Variants in RUFY3 observed in about 807,000 individuals in gnomAD.
RUFY3 encodes RUN and FYVE domain containing 3, also known as protein RUFY3.
In RUFY3, 34 loss-of-function variants were observed where a neutral mutation model predicts 84.0. The ratio of observed to expected loss-of-function variants is 0.40; its 90% CI spans 0.31 to 0.54. RUFY3 has a LOEUF of 0.54. RUFY3 is among the 20% of genes least tolerant of loss of function. The pLI, the probability that RUFY3 is intolerant of heterozygous loss-of-function variation, is 0.39. For synonymous variants in RUFY3, 242 were observed against 252.9 expected, an observed-to-expected ratio of 0.96 and a Z score of 0.41; for missense variants, 507 against 736.8, an observed-to-expected ratio of 0.69 and a Z score of 3.61.
chr4:70,763,411 C>A, intron 2 of RUFY3, 141 bp from the exon 3 acceptor site: 1 of 592,188 alleles, frequency 1.7e-6, no homozygotes, highest in Admixed American at 3.0e-5. Flanking sequence ...ATTATCTATT[C>A]TAAAAGCATG....
chr4:70,735,881 A>G (rs1246451405), intron 1 of RUFY3, among the ~76,000 whole-genome samples: 1 of 152,056 alleles, frequency 6.6e-6, no homozygotes, highest in Non-Finnish European at 1.5e-5. Flanking sequence ...TCAGCTACTC[A>G]GGAGGCTGAG....
At chr4:70,720,314 G>T (rs1742121484), upstream of RUFY3, among the ~76,000 whole-genome samples, 1 of 152,152 alleles carries the variant, frequency 6.6e-6, no homozygotes, top group African/African-American at 2.4e-5. Flanking sequence ...CTCCCAAAGT[G>T]CTGGGATTAC....
intron 14 of RUFY3, among the ~76,000 whole-genome samples, chr4:70,798,764 C>T (rs137906602): frequency 0.016 from 2,489 of 152,090 alleles, 24 homozygotes; most frequent in Non-Finnish European, 0.026. Flanking sequence ...CAAGATCGTA[C>T]CACAGCACTC....
Position 70,737,588 on chromosome 4 carries a change from G to A in RUFY3, c.178+14837G>A, listed in dbSNP as rs184188724. 9.9e-4 allele frequency among the ~76,000 whole-genome samples: 151 copies of A among 151,982 alleles called. 1 individual carries two copies. The highest frequency in any genetic ancestry group is 1.3e-3 in the Non-Finnish European group (89 of 67,976). The stretch of plus-strand genomic sequence containing the variant: ...TCCTCATCCGCTCACCCCCCATCAG[G>A]CTCAGCCCTCCTTAGCGTTCTAGTG... On this transcript the variant is annotated intron_variant, in intron 1 of 17. Coordinates refer to ENST00000381006, the MANE Select transcript of RUFY3 (RefSeq NM_001037442.4).
rs1733021937 is a variant in RUFY3, at chr4:70,808,240, A to C, written c.*1581A>C. The stretch of plus-strand genomic sequence containing the variant: ...GATTGGCAGTTGGTTGAAGCCATGG[A>C]TGCAGAACCCATGGATATGGAGGGC... On this transcript the variant is annotated 3_prime_UTR_variant, in exon 18 of 18. Coordinates refer to ENST00000381006, the MANE Select transcript of RUFY3 (RefSeq NM_001037442.4). Among the ~76,000 whole-genome samples, 1 of 152,194 alleles carries C rather than the reference A, an allele frequency of 6.6e-6. No individual in the cohort carries two copies. The highest frequency in any genetic ancestry group is 2.4e-5 in the African/African-American group (1 of 41,436).
chr4:70,732,667 A>G (rs1301605415), intron 1 of RUFY3, among the ~76,000 whole-genome samples: 3 of 152,068 alleles, frequency 2.0e-5, no homozygotes, highest in Non-Finnish European at 4.4e-5. Context: ...ACAAAAAACC[A>G]AACACCGCAT....
rs1292735120 is a variant in RUFY3 at position 70,762,292 on chromosome 4, G to A, written c.179-227G>A. Among the ~76,000 whole-genome samples the A allele has an allele frequency of 2.0e-4, 31 of 152,136 alleles. 1 individual carries two copies. Among genetic ancestry groups the A allele is most frequent in the Admixed American group, 2.0e-3 (31 of 15,268 alleles). The stretch of plus-strand genomic sequence containing the variant: ...ATCATGCCACTGCATTCCAGTTTGG[G>A]CAACAGAGCAAGACCCTGTCTCAAA... On this transcript the variant is annotated intron_variant, in intron 1 of 17. Transcript: ENST00000381006.
Position 70,741,601 on chromosome 4 carries a change from T to C in RUFY3, c.178+18850T>C, listed in dbSNP as rs560684760. The stretch of plus-strand genomic sequence containing the variant: ...GCTTGCATGACATTTTATCTTTCTT[T>C]TCCTTTCTTTTTGCCGTTTGCAAAG... On this transcript the variant is annotated intron_variant, in intron 1 of 17. Transcript: ENST00000381006. The C allele has an allele frequency of 7.9e-6, 12 of 1,515,720 alleles. No homozygotes were observed. In the South Asian group the frequency reaches 1.3e-4, roughly 16 times the overall value. The allele number at this position is 1,515,720 out of a possible 1,614,324, so 93.9% of individuals were successfully genotyped here. A position where few individuals can be genotyped will look rare whatever the true frequency, so the allele number is the denominator to read the frequency against.
At chr4:70,704,734 C>T, upstream of RUFY3, 1 of 340,348 alleles carries the variant, frequency 2.9e-6, no homozygotes, top group Admixed American at 4.9e-5. Context: ...CGGGGCGGTC[C>T]CTCCAGCTGG....
intron 1 of RUFY3, among the ~76,000 whole-genome samples, chr4:70,727,922 T>A (rs775690027): frequency 2.6e-5 from 4 of 152,160 alleles, no homozygotes; most frequent in Non-Finnish European, 2.9e-5. Context: ...CAACTATAGC[T>A]ATGACTCAGT....
chr4:70,738,117 G>T (rs1457665152), intron 1 of RUFY3, among the ~76,000 whole-genome samples: 3 of 148,474 alleles, frequency 2.0e-5, no homozygotes, highest in African/African-American at 7.8e-5. Context: ...CCAAGTAGCT[G>T]GGATTAGAGG....
At chr4:70,775,745 A>G (rs1393300307) in intron 7 of RUFY3, among the ~76,000 whole-genome samples, 1 of 152,068 alleles carries the variant, frequency 6.6e-6, no homozygotes, top group East Asian at 1.9e-4. Flanking sequence ...CAGGAGTTCA[A>G]GATGAGCTAG....
intron 1 of RUFY3, among the ~76,000 whole-genome samples, chr4:70,735,079 A>C (rs1005871362): frequency 3.9e-5 from 6 of 152,226 alleles, no homozygotes; most frequent in African/African-American, 1.4e-4. Context: ...TCAGTGATAG[A>C]GCTCAGAACG....
At chr4:70,748,310 C>A (rs770507726) in intron 1 of RUFY3, among the ~76,000 whole-genome samples, 1 of 152,202 alleles carries the variant, frequency 6.6e-6, no homozygotes, top group African/African-American at 2.4e-5. Flanking sequence ...ATTTTCTCCA[C>A]CTGACTTCAC....
intron 1 of RUFY3, among the ~76,000 whole-genome samples, chr4:70,751,505 A>AAT (rs371021601): frequency 6.6e-5 from 10 of 152,300 alleles, no homozygotes; most frequent in African/African-American, 2.4e-4. Context: ...GTATTTCTCT[A>AAT]ATTAGCATCT....
intron 1 of RUFY3, chr4:70,741,781 GT>G: frequency 1.2e-6 from 1 of 844,648 alleles, no homozygotes; most frequent in Non-Finnish European, 1.7e-6. Context: ...TCAGCTTTAG[GT>G]TTTATTTCCC....
chr4:70,761,724 A>G (rs1297672638), intron 1 of RUFY3, among the ~76,000 whole-genome samples: 2 of 152,246 alleles, frequency 1.3e-5, no homozygotes, highest in African/African-American at 2.4e-5. Context: ...TGAGAGCCAT[A>G]CACTGTATGC....
Position 70,795,678 on chromosome 4 carries a change from A to T in RUFY3, c.1557+784A>T, listed in dbSNP as rs186987429. On this transcript the variant is annotated intron_variant, in intron 14 of 17. Transcript: ENST00000381006. Reference sequence around the variant, plus strand: ...AACTTTATTTCTCAACCTAAGTTCCATCAAGTTCAAGAGACTTTAGTAAGT... The same window carrying T: ...AACTTTATTTCTCAACCTAAGTTCCTTCAAGTTCAAGAGACTTTAGTAAGT... 1.1e-3 allele frequency among the ~76,000 whole-genome samples: 171 copies of T among 152,360 alleles called. 1 individual carries two copies. Among genetic ancestry groups the T allele is most frequent in the Admixed American group, 1.9e-3 (29 of 15,302 alleles).
rs1732043779 is a variant in RUFY3, at chr4:70,800,186, C to T, written c.1603C>T (p.Pro535Ser). The T allele has an allele frequency of 3.7e-6, 6 of 1,605,236 alleles. No individual in the cohort carries two copies. Among genetic ancestry groups the T allele is most frequent in the Non-Finnish European group, 5.1e-6 (6 of 1,177,620 alleles). ...AGAGGAAAATGTTAAACTAAAAAAG[C>T]CCCTGGAAGAAAGCCACAGGTGTTT... ...MQEENVKLKKPLEESHRLQPH... is the reference protein window; with the variant it reads ...MQEENVKLKKSLEESHRLQPH... Residue 535 changes from proline (P) to serine (S), a missense_variant, in exon 15 of 18, where the codon CCC becomes TCC. Pro to Ser is a moderately conservative substitution (Grantham distance 74). Around this residue, in one of 4 missense-constraint regions of RUFY3, gnomAD observed 334 missense variants for 364.1 expected, o/e 0.92. Transcript: ENST00000381006.
Sources: gnomAD v4.1 joint callset for allele counts (sites outside exome capture counted in the v4.1 genomes callset) on GRCh38, gnomAD v4.1.1 for gene constraint, gnomAD v4.1.1 regional missense constraint, MANE v1.5 for transcripts, NCBI Gene and HGNC (gene_info 2026-07-23, HGNC 2026-07-21) for gene names.